The following PCDH9 variants were observed in gnomAD, a reference collection of about 807,000 sequenced individuals.
PCDH9 encodes protocadherin 9, also known as protocadherin-9.
Under a neutral mutation model 70.6 loss-of-function variants are expected in PCDH9, and 24 were observed. That is an observed-to-expected ratio of 0.34 (90% CI 0.25 to 0.48). PCDH9 has a LOEUF of 0.48. PCDH9 is among the 20% of genes least tolerant of loss of function. PCDH9 has a pLI of 0.99. For synonymous variants in PCDH9, 562 were observed against 558.5 expected (o/e 1.01, Z -0.09); for missense variants, 1,281 against 1,503.6 (o/e 0.85, Z 2.45).
chr13:67,206,237 C>G (rs1306257184), intron 2 of PCDH9: 1 of 152,330 alleles, frequency 6.6e-6, no homozygotes, highest in Non-Finnish European at 1.5e-5. Context: ...ATGATCTCGG[C>G]TCACTGCAAG....
intron 3 of PCDH9, among the ~76,000 whole-genome samples, chr13:66,723,441 T>G (rs966130112): frequency 6.6e-6 from 1 of 152,190 alleles, no homozygotes; most frequent in South Asian, 2.1e-4. Flanking sequence ...GGAAGTGATA[T>G]AGGAAAATTA....
chr13:66,557,325 G>A (rs1425955089), intron 4 of PCDH9, among the ~76,000 whole-genome samples: 1 of 152,110 alleles, frequency 6.6e-6, no homozygotes, highest in Non-Finnish European at 1.5e-5. Context: ...AATTCAAATA[G>A]AGATCTTTGT....
At chr13:67,057,682 T>G (rs2085449786) in intron 2 of PCDH9, among the ~76,000 whole-genome samples, 1 of 152,090 alleles carries the variant, frequency 6.6e-6, no homozygotes, top group Non-Finnish European at 1.5e-5. Flanking sequence ...CAAATGACAA[T>G]TAATTGGCTG....
chr13:66,971,583 G>A (rs1450410662), intron 2 of PCDH9, among the ~76,000 whole-genome samples: 1 of 151,910 alleles, frequency 6.6e-6, no homozygotes, highest in Non-Finnish European at 1.5e-5. Flanking sequence ...ATCATTATAT[G>A]CTTGTGTAAG....
At chr13:67,087,223 C>T (rs1192074388) in intron 2 of PCDH9, among the ~76,000 whole-genome samples, 1 of 151,736 alleles carries the variant, frequency 6.6e-6, no homozygotes, top group African/African-American at 2.4e-5. Context: ...AACACCTGGA[C>T]AGCCTGTATT....
chr13:67,084,738 G>C (rs1287592909), intron 2 of PCDH9, among the ~76,000 whole-genome samples: 2 of 150,792 alleles, frequency 1.3e-5, no homozygotes, highest in African/African-American at 4.9e-5. Context: ...TGGTGGCTGA[G>C]GGGGGGGATC....
chr13:66,742,735 A>G (rs1433279490), intron 3 of PCDH9, among the ~76,000 whole-genome samples: 3 of 146,276 alleles, frequency 2.1e-5, no homozygotes, highest in Non-Finnish European at 3.0e-5. Flanking sequence ...CAAAAGACAC[A>G]TGAAAAAATG....
chr13:66,363,371 A>G (rs9571577), intron 4 of PCDH9, among the ~76,000 whole-genome samples: 70,225 of 151,966 alleles, frequency 0.46, 17,179 homozygotes, highest in East Asian at 0.62. Flanking sequence ...AAAAAGTTAA[A>G]ATTAAGATTG....
At chr13:66,703,002 A>G (rs1186087426) in intron 3 of PCDH9, among the ~76,000 whole-genome samples, 1 of 152,246 alleles carries the variant, frequency 6.6e-6, no homozygotes, top group Non-Finnish European at 1.5e-5. Context: ...AAACACATAT[A>G]TATATTTAAA....
intron 3 of PCDH9, among the ~76,000 whole-genome samples, chr13:66,894,678 A>C (rs1369476646): frequency 6.6e-6 from 1 of 152,182 alleles, no homozygotes; most frequent in Non-Finnish European, 1.5e-5. Flanking sequence ...AATATTACTA[A>C]TATTTTATAA....
At chr13:66,576,103 A>G (rs1178415563) in intron 4 of PCDH9, among the ~76,000 whole-genome samples, 2 of 151,886 alleles carry the variant, frequency 1.3e-5, no homozygotes, top group Non-Finnish European at 2.9e-5. Flanking sequence ...AAATTCTTCA[A>G]CAGTACAAAG....
At chr13:66,749,333 A>G (rs1255982348) in intron 3 of PCDH9, among the ~76,000 whole-genome samples, 1 of 152,154 alleles carries the variant, frequency 6.6e-6, no homozygotes, top group Non-Finnish European at 1.5e-5. Flanking sequence ...TAAAAATCAA[A>G]ATCCATCTGC....
At chr13:66,370,201 C>T (rs1956620621) in intron 4 of PCDH9, among the ~76,000 whole-genome samples, 1 of 151,954 alleles carries the variant, frequency 6.6e-6, no homozygotes, top group African/African-American at 2.4e-5. Context: ...TCAGGAATGT[C>T]TTCCTCAAGG....
chr13:66,614,518 A>G (rs1486575226), intron 4 of PCDH9, among the ~76,000 whole-genome samples: 2 of 152,204 alleles, frequency 1.3e-5, no homozygotes, highest in Admixed American at 1.3e-4. Flanking sequence ...GTAATCTGGA[A>G]TTCTGTTTCA....
At chr13:66,738,241 T>A (rs1462734123) in intron 3 of PCDH9, among the ~76,000 whole-genome samples, 1 of 150,880 alleles carries the variant, frequency 6.6e-6, no homozygotes, top group Non-Finnish European at 1.5e-5. Context: ...CACTGACACC[T>A]CACACGGCAG....
intron 2 of PCDH9, among the ~76,000 whole-genome samples, chr13:67,166,570 C>T (rs1409961432): frequency 6.6e-6 from 1 of 152,160 alleles, no homozygotes; most frequent in Non-Finnish European, 1.5e-5. Flanking sequence ...GGTAACACAA[C>T]ATAATTGATA....
intron 3 of PCDH9, among the ~76,000 whole-genome samples, chr13:66,635,857 T>C (rs867972351): frequency 2.0e-4 from 30 of 152,138 alleles, no homozygotes; most frequent in African/African-American, 7.2e-4. Flanking sequence ...CTGCATAAAA[T>C]AGTCTAAAGG....
intron 2 of PCDH9, chr13:67,218,100 C>T (rs949979002): frequency 6.6e-6 from 1 of 152,020 alleles, no homozygotes; most frequent in Non-Finnish European, 1.5e-5. Flanking sequence ...ACCTGCAATA[C>T]CAGCATTATA....
chr13:66,963,437 TCTTTGGTTTA>T (rs1027718873), intron 2 of PCDH9, among the ~76,000 whole-genome samples: 3 of 152,206 alleles, frequency 2.0e-5, no homozygotes, highest in African/African-American at 7.2e-5. Flanking sequence ...TCATATTTGC[TCTTTGGTTTA>T]CTTCCTTTTC....
Sources: gnomAD v4.1 joint callset for allele counts (sites outside exome capture counted in the v4.1 genomes callset) on GRCh38, gnomAD v4.1.1 for gene constraint, MANE v1.5 for transcripts, NCBI Gene and HGNC (gene_info 2026-07-23, HGNC 2026-07-21) for gene names.